Variants in COL4A1 observed in about 807,000 individuals in gnomAD.
COL4A1 encodes collagen alpha-1(IV) chain.
Under a neutral mutation model 216.6 loss-of-function variants are expected in COL4A1, and 40 were observed. The observed-to-expected ratio is 0.18, with a 90% CI of 0.14 to 0.24. COL4A1 has a LOEUF of 0.24. Among genes scored for constraint, COL4A1 ranks in the 10% least tolerant of loss-of-function variants. The pLI is 1.00. For synonymous variants in COL4A1, 839 were observed against 810.7 expected, an observed-to-expected ratio of 1.03 and a Z score of -0.59; for missense variants, 1,628 against 2,196.8, an observed-to-expected ratio of 0.74 and a Z score of 5.18.
intron 47 of COL4A1, among the ~76,000 whole-genome samples, chr13:110,162,823 T>C (rs1877147970): frequency 6.6e-6 from 1 of 152,232 alleles, no homozygotes; most frequent in Admixed American, 6.5e-5. Context: ...GGGGCTCCTG[T>C]TGGGGAGGAC....
intron 29 of COL4A1, among the ~76,000 whole-genome samples, chr13:110,180,044 C>T (rs1398984292): frequency 1.3e-5 from 2 of 152,148 alleles, no homozygotes; most frequent in Non-Finnish European, 2.9e-5. Flanking sequence ...AGGGCTCCAC[C>T]GGTGTCCCCT....
intron 2 of COL4A1, among the ~76,000 whole-genome samples, chr13:110,233,120 T>C (rs1168775008): frequency 2.0e-5 from 3 of 152,168 alleles, no homozygotes; most frequent in South Asian, 2.1e-4. Context: ...CTAGGGTACA[T>C]TGTTGATATT....
chr13:110,296,888 T>C (rs1315480618), intron 1 of COL4A1, among the ~76,000 whole-genome samples: 1 of 152,230 alleles, frequency 6.6e-6, no homozygotes, highest in Non-Finnish European at 1.5e-5. Flanking sequence ...TAAAGGCTAC[T>C]GTATTACAAA....
rs1445318211 is a variant in COL4A1, at chr13:110,211,868, C to T, written c.441+1G>A. 1.9e-6 allele frequency: 3 copies of T among 1,613,998 alleles called. No homozygotes were observed. The highest frequency in any genetic ancestry group is 1.7e-6 in the Non-Finnish European group (2 of 1,180,010). On this transcript the variant is annotated splice_donor_variant, in intron 7 of 51. Coordinates refer to ENST00000375820, the MANE Select transcript of COL4A1 (RefSeq NM_001845.6). LOFTEE classifies it high-confidence loss of function. The surrounding 1 kb of genome is among the most constrained non-coding windows in gnomAD (Gnocchi z 4.3). ...TTCTGCCCTAAATAACCTCTACTCA[C>T]GGGATTTCCAGCGAAACCAGGCAAG... is the stretch of plus-strand genomic sequence containing the variant.
intron 2 of COL4A1, among the ~76,000 whole-genome samples, chr13:110,219,510 T>G (rs1880266669): frequency 6.6e-6 from 1 of 151,828 alleles, no homozygotes; most frequent in African/African-American, 2.4e-5. Flanking sequence ...ACGTCTAGCT[T>G]GAGACAGTGA....
Position 110,212,753 on chromosome 13 carries a change from G to A in COL4A1, c.280-135C>T, listed in dbSNP as rs1879876268. Reference sequence around the variant, plus strand: ...ACACACAAAGCAGACAGAGCACTCTGCACAAGAGGCAGCAGAGGGCACAGC... The same window carrying A: ...ACACACAAAGCAGACAGAGCACTCTACACAAGAGGCAGCAGAGGGCACAGC... On this transcript the variant is annotated intron_variant, in intron 4 of 51. Coordinates refer to ENST00000375820, the MANE Select transcript of COL4A1 (RefSeq NM_001845.6). 3 of 1,005,986 alleles carry A rather than the reference G, an allele frequency of 3.0e-6. No homozygotes were observed. The East Asian group carries it at 7.5e-5, about 25-fold the overall frequency. The allele number at this position is 1,005,986 out of a possible 1,614,324, so 62.3% of individuals were successfully genotyped here. A position where few individuals can be genotyped will look rare whatever the true frequency, so the allele number is the denominator to read the frequency against.
chr13:110,232,798 G>A (rs764854426), intron 2 of COL4A1, among the ~76,000 whole-genome samples: 41 of 151,910 alleles, frequency 2.7e-4, no homozygotes, highest in African/African-American at 9.2e-4. Context: ...AAACAGAATC[G>A]GCTCCCTATT....
At position 110,150,281 on chromosome 13, in the gene COL4A1, G is replaced by T; in HGVS notation, c.*82C>A. ...TCATATTGGACAGTGAGGTACACAG[G>T]ATATATTTCTAGGGTTCGTTGCTGT... On this transcript the variant is annotated 3_prime_UTR_variant, in exon 52 of 52. Transcript: ENST00000375820. 7.7e-7 allele frequency: 1 copy of T among 1,298,406 alleles called. No individual in the cohort carries two copies. Among genetic ancestry groups the T allele is most frequent in the African/African-American group, 1.5e-5 (1 of 68,468 alleles). The allele number at this position is 1,298,406 out of a possible 1,614,324, so 80.4% of individuals were successfully genotyped here. A position where few individuals can be genotyped will look rare whatever the true frequency, so the allele number is the denominator to read the frequency against.
chr13:110,305,650 G>A (rs1884665618), intron 1 of COL4A1, among the ~76,000 whole-genome samples: 1 of 152,192 alleles, frequency 6.6e-6, no homozygotes, highest in Admixed American at 6.5e-5. Context: ...TAAATAACTG[G>A]CTATGAAGTT....
chr13:110,301,900 G>C (rs960450992), intron 1 of COL4A1, among the ~76,000 whole-genome samples: 2 of 152,224 alleles, frequency 1.3e-5, no homozygotes, highest in Non-Finnish European at 2.9e-5. Context: ...ACCCCAGTGA[G>C]ATAGTAGGTG....
intron 2 of COL4A1, among the ~76,000 whole-genome samples, chr13:110,235,466 G>A (rs1015049336): frequency 6.6e-6 from 1 of 152,040 alleles, no homozygotes; most frequent in Admixed American, 6.6e-5. Flanking sequence ...CTGGCTAACA[G>A]GGTGAAACCC....
At position 110,207,274 on chromosome 13, in the gene COL4A1, T is replaced by TA; in HGVS notation, c.780+128dup. ...CTCGTATTTTATGGACTGAACAGTCTATAAATCTGTTTTCCAGACCAGGAT... is the reference window on the plus strand; with the variant it reads ...CTCGTATTTTATGGACTGAACAGTCTAATAAATCTGTTTTCCAGACCAGGAT... On this transcript the variant is annotated intron_variant, in intron 13 of 51. Coordinates refer to ENST00000375820, the MANE Select transcript of COL4A1 (RefSeq NM_001845.6). The surrounding 1 kb of genome is among the most constrained non-coding windows in gnomAD (Gnocchi z 4.4). 1.2e-6 allele frequency: 1 copy of TA among 835,728 alleles called. No homozygotes were observed. Among genetic ancestry groups the TA allele is most frequent in the South Asian group, 1.4e-5 (1 of 70,132 alleles). 51.8% of individuals were successfully genotyped at this position (835,728 alleles called of 1,614,324 possible). A position where few individuals can be genotyped will look rare whatever the true frequency, so the allele number is the denominator to read the frequency against.
At chr13:110,158,094 C>A (rs1876873963) in intron 49 of COL4A1, among the ~76,000 whole-genome samples, 1 of 152,302 alleles carries the variant, frequency 6.6e-6, no homozygotes, top group African/African-American at 2.4e-5. Context: ...TGGTTCTGAG[C>A]AAGAAAAGTC....
intron 50 of COL4A1, among the ~76,000 whole-genome samples, chr13:110,153,429 T>G (rs998513238): frequency 6.6e-6 from 1 of 152,242 alleles, no homozygotes; most frequent in African/African-American, 2.4e-5. Context: ...AATCACTGTT[T>G]CAGGCCTTTT....
chr13:110,172,629 T>G, intron 41 of COL4A1, 91 bp downstream of exon 41: 1 of 1,286,222 alleles, frequency 7.8e-7, no homozygotes, highest in Non-Finnish European at 1.1e-6. Flanking sequence ...CCAACAGGCA[T>G]GGGGCTTCAT....
chr13:110,212,623 G>A lies in COL4A1; in HGVS notation c.280-5C>T. The stretch of plus-strand genomic sequence containing the variant: ...GCCAGATGCTCCCGGAGGTCCCTGT[G>A]AGGGCGGAAGTAAAAGCGTGTCAGT... On this transcript the variant is annotated splice_region_variant and splice_polypyrimidine_tract_variant and intron_variant, in intron 4 of 51. Coordinates refer to ENST00000375820, the MANE Select transcript of COL4A1 (RefSeq NM_001845.6). The A allele has an allele frequency of 6.2e-7, 1 of 1,613,876 alleles. No homozygotes were observed. The highest frequency in any genetic ancestry group is 8.5e-7 in the Non-Finnish European group (1 of 1,180,036).
intron 48 of COL4A1, among the ~76,000 whole-genome samples, chr13:110,161,590 A>G (rs936493081): frequency 1.3e-5 from 2 of 152,252 alleles, no homozygotes; most frequent in African/African-American, 4.8e-5. Context: ...TCTAGAAGGA[A>G]CTTAACACAT....
chr13:110,154,877 G>A (rs935240744), intron 50 of COL4A1, among the ~76,000 whole-genome samples: 1 of 152,236 alleles, frequency 6.6e-6, no homozygotes, highest in Admixed American at 6.5e-5. Flanking sequence ...GGAGAAGCTG[G>A]TCATATGAAG....
Position 110,301,076 on chromosome 13 carries a change from A to G in COL4A1, c.84+5868T>C, listed in dbSNP as rs552286630. Among the ~76,000 whole-genome samples the G allele has an allele frequency of 1.3e-4, 20 of 152,360 alleles. 1 individual carries two copies. Among genetic ancestry groups the G allele is most frequent in the Admixed American group, 8.5e-4 (13 of 15,300 alleles). On this transcript the variant is annotated intron_variant, in intron 1 of 51. Coordinates refer to ENST00000375820, the MANE Select transcript of COL4A1 (RefSeq NM_001845.6). ...TTACATAAAGTGTTCAGCAGTGTACATATTTCCAAGTCATGTTTAGTCTGT... is the reference window on the plus strand; with the variant it reads ...TTACATAAAGTGTTCAGCAGTGTACGTATTTCCAAGTCATGTTTAGTCTGT...
Sources: gnomAD v4.1 joint callset for allele counts (sites outside exome capture counted in the v4.1 genomes callset) on GRCh38, gnomAD v4.1.1 for gene constraint, Gnocchi (gnomAD v3.1) non-coding constraint, MANE v1.5 for transcripts, NCBI Gene and HGNC (gene_info 2026-07-23, HGNC 2026-07-21) for gene names.